CABLES1: variants seen among roughly 807,000 people sequenced by gnomAD.
The protein encoded by CABLES1 is CDK5 and ABL1 enzyme substrate 1.
Under a neutral mutation model 57.8 loss-of-function variants are expected in CABLES1, and 36 were observed. The observed-to-expected ratio is 0.62, with a 90% CI of 0.48 to 0.82. The LOEUF (loss-of-function observed/expected upper bound fraction) is 0.82. CABLES1 is among the 40% of genes least tolerant of loss of function. The probability of loss-of-function intolerance (pLI) is 0.00; values close to 1 mark genes in which losing one functional copy is unlikely to be tolerated. For synonymous variants in CABLES1, 374 were observed against 363.0 expected (o/e 1.03, Z -0.35); for missense variants, 767 against 836.6 (o/e 0.92, Z 1.03).
chr18:23,138,082 C>T (rs2046834835), intron 1 of CABLES1, among the ~76,000 whole-genome samples: 1 of 152,110 alleles, frequency 6.6e-6, no homozygotes, highest in South Asian at 2.1e-4. Flanking sequence ...CAGCCTAAGC[C>T]CAGCAGTCAA....
intron 7 of CABLES1, among the ~76,000 whole-genome samples, chr18:23,239,321 T>C (rs923417032): frequency 1.3e-5 from 2 of 152,228 alleles, no homozygotes; most frequent in East Asian, 3.8e-4. Flanking sequence ...CTATAGAGAA[T>C]GGAATTGCGC....
At chr18:23,246,550 C>CG (rs2047891784) in intron 7 of CABLES1, among the ~76,000 whole-genome samples, 1 of 151,926 alleles carries the variant, frequency 6.6e-6, no homozygotes, top group Non-Finnish European at 1.5e-5. Flanking sequence ...CGCCACCACA[C>CG]CCGGCTAATT....
chr18:23,236,040 G>A lies in CABLES1; in HGVS notation c.1331G>A (p.Ser444Asn). Residue 444 changes from serine (S) to asparagine (N), a missense_variant, in exon 6 of 10, where the codon AGC becomes AAC. Ser to Asn is a conservative substitution (Grantham distance 46). Around this residue, in one of 4 missense-constraint regions of CABLES1, gnomAD observed 529 missense variants for 622.8 expected, o/e 0.85. Transcript: ENST00000256925. ...SIGRASGTQG[S>N]LDTGSDLGDF... The stretch of plus-strand genomic sequence containing the variant: ...GGCCGGGCAAGCGGCACCCAGGGGA[G>A]CCTCGACACAGGTAACCTTGGCCTG... 1 of 1,614,092 alleles carries A rather than the reference G, an allele frequency of 6.2e-7. No individual in the cohort carries two copies. Among genetic ancestry groups the A allele is most frequent in the Non-Finnish European group, 8.5e-7 (1 of 1,180,022 alleles).
At chr18:23,253,457 T>C (rs2048088766) in intron 8 of CABLES1, among the ~76,000 whole-genome samples, 1 of 152,182 alleles carries the variant, frequency 6.6e-6, no homozygotes, top group Admixed American at 6.5e-5. Flanking sequence ...CACTCCAGCC[T>C]GGAAAACAGA....
intron 1 of CABLES1, among the ~76,000 whole-genome samples, chr18:23,156,736 T>C (rs1448850830): frequency 1.3e-5 from 2 of 152,182 alleles, no homozygotes; most frequent in Non-Finnish European, 2.9e-5. Flanking sequence ...TTATTGACTC[T>C]TCATTGACAG....
intron 4 of CABLES1, among the ~76,000 whole-genome samples, chr18:23,233,954 C>A (rs750490711): frequency 6.6e-6 from 1 of 152,128 alleles, no homozygotes; most frequent in Non-Finnish European, 1.5e-5. Flanking sequence ...CTGTGGCTCA[C>A]GCCTGTAATC....
chr18:23,148,501 T>C (rs190197582), intron 1 of CABLES1, among the ~76,000 whole-genome samples: 1 of 152,286 alleles, frequency 6.6e-6, no homozygotes, highest in African/African-American at 2.4e-5. Flanking sequence ...CCATTTGGCA[T>C]TGGGTCAGCA....
chr18:23,218,796 ATAC>A (rs1039325867), intron 4 of CABLES1, among the ~76,000 whole-genome samples: 2 of 152,226 alleles, frequency 1.3e-5, no homozygotes, highest in African/African-American at 4.8e-5. Context: ...GCTTTCTATA[ATAC>A]TACCTATTCA....
Position 23,193,296 on chromosome 18 carries a change from A to G in CABLES1, c.918-1152A>G, listed in dbSNP as rs35206467. Reference sequence around the variant, plus strand: ...AACCTCGGCCTCCCGGGTTGAAGCGATTCTCCTGCCTCAGCCTCCTGAGTA... The same window carrying G: ...AACCTCGGCCTCCCGGGTTGAAGCGGTTCTCCTGCCTCAGCCTCCTGAGTA... On this transcript the variant is annotated intron_variant, in intron 2 of 9. Transcript: ENST00000256925. Among the ~76,000 whole-genome samples the G allele has an allele frequency of 2.9e-3, 444 of 151,214 alleles. 1 individual carries two copies. The highest frequency in any genetic ancestry group is 0.01 in the African/African-American group (421 of 41,060).
chr18:23,246,079 A>AAC (rs1338669978), intron 7 of CABLES1, among the ~76,000 whole-genome samples: 2 of 152,104 alleles, frequency 1.3e-5, no homozygotes, highest in Non-Finnish European at 2.9e-5. Context: ...CATCCTGGCC[A>AAC]ACGGTGTAAC....
At chr18:23,217,298 G>A (rs796222013) in intron 4 of CABLES1, among the ~76,000 whole-genome samples, 8 of 152,238 alleles carry the variant, frequency 5.3e-5, no homozygotes, top group African/African-American at 1.9e-4. Flanking sequence ...GCCCAGACTG[G>A]TCTCAAACTC....
rs368380843 is a variant in CABLES1, at chr18:23,154,103, T to TA, written c.845+17506dup. On this transcript the variant is annotated intron_variant, in intron 1 of 9. Transcript: ENST00000256925. ...AGTTGAACACATATAGTCTTCTAAT[T>TA]AAAAAAAAAATCTAGAGCAAGATCA... Among the ~76,000 whole-genome samples the TA allele has an allele frequency of 8.0e-3, 1,200 of 150,784 alleles. 10 individuals carry two copies. Among genetic ancestry groups the TA allele is most frequent in the African/African-American group, 0.022 (919 of 41,196 alleles).
At position 23,136,018 on chromosome 18, in the gene CABLES1, G is replaced by C; in HGVS notation, c.256G>C (p.Gly86Arg). Residue 86 changes from glycine (G) to arginine (R), a missense_variant, in exon 1 of 10, where the codon GGC (glycine) becomes CGC (arginine). Around this residue, in one of 4 missense-constraint regions of CABLES1, gnomAD observed 198 missense variants for 149.7 expected, o/e 1.32. Coordinates refer to ENST00000256925, the MANE Select transcript of CABLES1 (RefSeq NM_001100619.3). Reference protein sequence around the residue: ...GRLPPQDAEWGGGEEGGAAKP... With the variant: ...GRLPPQDAEWRGGEEGGAAKP... ...GCTGCCGCCGCAGGACGCGGAGTGG[G>C]GCGGTGGCGAGGAGGGCGGCGCGGC... The C allele has an allele frequency of 1.8e-6, 2 of 1,140,992 alleles. No homozygotes were observed. Among genetic ancestry groups the C allele is most frequent in the Non-Finnish European group, 2.1e-6 (2 of 931,330 alleles). 70.7% of individuals were successfully genotyped at this position (1,140,992 alleles called of 1,614,324 possible).
At chr18:23,205,085 G>C (rs9952068) in intron 3 of CABLES1, among the ~76,000 whole-genome samples, 272 of 151,888 alleles carry the variant, frequency 1.8e-3, no homozygotes, top group African/African-American at 6.4e-3. Flanking sequence ...ATAGCTAGCA[G>C]ATGACTCAGG....
At chr18:23,203,003 C>G (rs1328514086) in intron 3 of CABLES1, among the ~76,000 whole-genome samples, 1 of 150,582 alleles carries the variant, frequency 6.6e-6, no homozygotes, top group Non-Finnish European at 1.5e-5. Flanking sequence ...AAAAAAAAGA[C>G]TGGAGACACT....
At chr18:23,150,319 C>T (rs1268043971) in intron 1 of CABLES1, among the ~76,000 whole-genome samples, 1 of 149,520 alleles carries the variant, frequency 6.7e-6, no homozygotes, top group Non-Finnish European at 1.5e-5. Context: ...TGCCATTCTC[C>T]TGCCTCAGCC....
intron 2 of CABLES1, among the ~76,000 whole-genome samples, chr18:23,191,742 T>TA (rs1468064472): frequency 1.3e-5 from 2 of 152,136 alleles, no homozygotes; most frequent in East Asian, 3.8e-4. Context: ...TGTATGTTTT[T>TA]AAATGGATGT....
intron 1 of CABLES1, among the ~76,000 whole-genome samples, chr18:23,168,999 C>T (rs1238055615): frequency 6.6e-6 from 1 of 152,176 alleles, no homozygotes; most frequent in East Asian, 1.9e-4. Context: ...GAGGTCAGCA[C>T]AAGACACAGG....
intron 4 of CABLES1, among the ~76,000 whole-genome samples, chr18:23,222,863 C>G (rs1489797022): frequency 2.6e-5 from 4 of 152,190 alleles, no homozygotes; most frequent in African/African-American, 9.6e-5. Flanking sequence ...CAGTGAAAGT[C>G]AAAGTTGCTA....
Sources: gnomAD v4.1 joint callset for allele counts (sites outside exome capture counted in the v4.1 genomes callset) on GRCh38, gnomAD v4.1.1 for gene constraint, gnomAD v4.1.1 regional missense constraint, MANE v1.5 for transcripts, NCBI Gene and HGNC (gene_info 2026-07-23, HGNC 2026-07-21) for gene names.